Variants in SLC35D4 observed in about 807,000 individuals in gnomAD.
SLC35D4 encodes the protein solute carrier family 35 member D4.
the SLC35D4 span, chr18:23,310,125 G>T: frequency 2.7e-6 from 2 of 749,940 alleles, no homozygotes; most frequent in African/African-American, 1.9e-5. Context: ...CGTCTCCAAG[G>T]TCAGATGTGC....
At chr18:23,243,296 T>C in the SLC35D4 span, among the ~76,000 whole-genome samples, 1 of 151,912 alleles carries the variant, frequency 6.6e-6, no homozygotes, top group East Asian at 1.9e-4. Flanking sequence ...GCTCCGCACT[T>C]CCCTATTATT....
chr18:23,264,471 T>C, the SLC35D4 span, among the ~76,000 whole-genome samples: 1 of 144,654 alleles, frequency 6.9e-6, no homozygotes, highest in East Asian at 2.2e-4. Context: ...CAAGCGATTC[T>C]CCTGCCCCAG....
the SLC35D4 span, among the ~76,000 whole-genome samples, chr18:23,295,517 C>T: frequency 6.6e-6 from 1 of 151,772 alleles, no homozygotes; most frequent in Non-Finnish European, 1.5e-5. Flanking sequence ...TTCATGGAAA[C>T]AAACAAGACA....
At chr18:23,401,395 A>G in the SLC35D4 span, among the ~76,000 whole-genome samples, 2 of 152,212 alleles carry the variant, frequency 1.3e-5, no homozygotes, top group Non-Finnish European at 2.9e-5. Flanking sequence ...CAATTATCTG[A>G]GGGATATTCT....
chr18:23,260,783 G>T, the SLC35D4 span, among the ~76,000 whole-genome samples: 2 of 152,120 alleles, frequency 1.3e-5, no homozygotes, highest in Admixed American at 1.3e-4. Context: ...GCACAGTGCT[G>T]AGGGCCAGCA....
chr18:23,392,060 C>A, the SLC35D4 span, among the ~76,000 whole-genome samples: 1 of 152,048 alleles, frequency 6.6e-6, no homozygotes, highest in East Asian at 1.9e-4. Context: ...GCCTCACCCT[C>A]CTGAGTAGCT....
At chr18:23,269,465 G>A in the SLC35D4 span, among the ~76,000 whole-genome samples, 1 of 152,190 alleles carries the variant, frequency 6.6e-6, no homozygotes, top group South Asian at 2.1e-4. Flanking sequence ...ACCCACTCTT[G>A]GGCATGTCTT....
the SLC35D4 span, among the ~76,000 whole-genome samples, chr18:23,268,749 C>T: frequency 6.6e-6 from 1 of 152,008 alleles, no homozygotes; most frequent in Non-Finnish European, 1.5e-5. Context: ...TAGTAGGAAG[C>T]GGCTGGAGGG....
the SLC35D4 span, among the ~76,000 whole-genome samples, chr18:23,333,987 G>A: frequency 6.6e-6 from 1 of 152,182 alleles, no homozygotes; most frequent in South Asian, 2.1e-4. Context: ...ATGTAACCCT[G>A]AGTAGGATGT....
chr18:23,306,558 G>A, the SLC35D4 span, among the ~76,000 whole-genome samples: 5 of 152,086 alleles, frequency 3.3e-5, no homozygotes, highest in East Asian at 3.9e-4. Flanking sequence ...CACCCGCCTC[G>A]GCCTCCCAAA....
the SLC35D4 span, among the ~76,000 whole-genome samples, chr18:23,325,367 T>A: frequency 1.3e-5 from 2 of 151,432 alleles, no homozygotes; most frequent in African/African-American, 4.9e-5. Flanking sequence ...GTAAGAAACA[T>A]GAAGGAGAGG....
the SLC35D4 span, among the ~76,000 whole-genome samples, chr18:23,302,993 T>C: frequency 1.3e-5 from 2 of 152,060 alleles, no homozygotes; most frequent in African/African-American, 4.8e-5. Flanking sequence ...TGAGAAGAAA[T>C]AGTAACTATA....
the SLC35D4 span, among the ~76,000 whole-genome samples, chr18:23,346,104 C>CAA: frequency 6.8e-3 from 966 of 141,036 alleles, 10 homozygotes; most frequent in African/African-American, 0.024. Flanking sequence ...CCCATCTCTA[C>CAA]AAAAAAAAAA....
the SLC35D4 span, among the ~76,000 whole-genome samples, chr18:23,306,747 A>G: frequency 6.6e-6 from 1 of 152,128 alleles, no homozygotes; most frequent in Non-Finnish European, 1.5e-5. Flanking sequence ...GTGCTATTCC[A>G]TGGGGGGGAA....
chr18:23,271,046 T>C, the SLC35D4 span, among the ~76,000 whole-genome samples: 1 of 152,240 alleles, frequency 6.6e-6, no homozygotes, highest in Admixed American at 6.5e-5. Flanking sequence ...TCTTGAATTG[T>C]AGCTCCTATA....
At chr18:23,364,319 T>TA in the SLC35D4 span, among the ~76,000 whole-genome samples, 83 of 150,886 alleles carry the variant, frequency 5.5e-4, no homozygotes, top group African/African-American at 1.7e-3. Flanking sequence ...TGTTTGTTTT[T>TA]AAAAAAAAAC....
chr18:23,320,437 C>T, the SLC35D4 span, among the ~76,000 whole-genome samples: 2 of 152,048 alleles, frequency 1.3e-5, no homozygotes, highest in Non-Finnish European at 2.9e-5. Flanking sequence ...ACATATTATC[C>T]AGTCATTTTT....
At chr18:23,370,421 C>G in the SLC35D4 span, 1 of 650,086 alleles carries the variant, frequency 1.5e-6, no homozygotes, top group Non-Finnish European at 2.7e-6. Flanking sequence ...AGGAGAAGAC[C>G]ATCAACATTT....
At chr18:23,313,640 T>C in the SLC35D4 span, among the ~76,000 whole-genome samples, 1 of 152,188 alleles carries the variant, frequency 6.6e-6, no homozygotes, top group African/African-American at 2.4e-5. Context: ...TGAGCACTAG[T>C]TGTGGGAATG....
Sources: allele counts gnomAD v4.1 joint callset (sites outside exome capture counted in the v4.1 genomes callset), GRCh38; gene constraint gnomAD v4.1.1; transcripts MANE v1.5; gene names NCBI Gene and HGNC (gene_info 2026-07-23, HGNC 2026-07-21).